The following TRIQK variants were observed in gnomAD, a reference collection of about 807,000 sequenced individuals.
The protein encoded by TRIQK is triple QxxK/R motif-containing protein.
In TRIQK, 10 loss-of-function variants were observed where a neutral mutation model predicts 10.8. That is an observed-to-expected ratio of 0.92 (90% confidence interval 0.57 to 1.57). The LOEUF (loss-of-function observed/expected upper bound fraction) is 1.57. Ranked by LOEUF, TRIQK falls within the 40% of genes most tolerant of loss-of-function variation. The probability of loss-of-function intolerance (pLI) is 0.00; values close to 1 mark genes in which losing one functional copy is unlikely to be tolerated. For missense variants in TRIQK, 107 were observed against 97.7 expected (o/e 1.09, Z -0.40); for synonymous variants, 33 against 33.7 (o/e 0.98, Z 0.07).
intron 2 of TRIQK, among the ~76,000 whole-genome samples, chr8:92,946,044 C>G (rs925853217): frequency 6.6e-6 from 1 of 151,842 alleles, no homozygotes; most frequent in Non-Finnish European, 1.5e-5. Flanking sequence ...AAAGGCTAAG[C>G]CTTAATGAAA....
intron 2 of TRIQK, among the ~76,000 whole-genome samples, chr8:92,940,428 C>T (rs1231636757): frequency 6.7e-6 from 1 of 150,224 alleles, no homozygotes; most frequent in Non-Finnish European, 1.5e-5. Flanking sequence ...TGAAGTAACA[C>T]AAAAAGATAT....
chr8:92,922,984 T>C (rs1310865182), intron 2 of TRIQK, among the ~76,000 whole-genome samples: 1 of 151,824 alleles, frequency 6.6e-6, no homozygotes, highest in Non-Finnish European at 1.5e-5. Flanking sequence ...CAAAAAATGC[T>C]TATAGAACAC....
At chr8:92,992,877 CA>C (rs1563674241) in intron 1 of TRIQK, among the ~76,000 whole-genome samples, 1 of 152,222 alleles carries the variant, frequency 6.6e-6, no homozygotes, top group East Asian at 1.9e-4. Context: ...GAAATGGTGA[CA>C]CCAATGACAA....
At chr8:92,937,997 T>C (rs1811077904) in intron 2 of TRIQK, among the ~76,000 whole-genome samples, 1 of 152,016 alleles carries the variant, frequency 6.6e-6, no homozygotes, top group Non-Finnish European at 1.5e-5. Flanking sequence ...TTCATTTTCC[T>C]TTTTTCTGAA....
At chr8:92,988,738 G>A (rs992726944) in intron 1 of TRIQK, among the ~76,000 whole-genome samples, 4 of 152,122 alleles carry the variant, frequency 2.6e-5, no homozygotes, top group African/African-American at 9.7e-5. Flanking sequence ...TACATCAAAG[G>A]ATACTTATCT....
chr8:92,920,728 C>G (rs1240866442), intron 2 of TRIQK, among the ~76,000 whole-genome samples: 1 of 151,700 alleles, frequency 6.6e-6, no homozygotes, highest in East Asian at 1.9e-4. Flanking sequence ...TTTATTGGCA[C>G]ATGCAACTGA....
intron 1 of TRIQK, among the ~76,000 whole-genome samples, chr8:92,995,494 C>T (rs1176944162): frequency 1.3e-5 from 2 of 151,820 alleles, no homozygotes; most frequent in East Asian, 3.9e-4. Context: ...TTTCTTTTAA[C>T]TTATGCTAGG....
At chr8:92,919,895 T>C (rs528781980) in intron 2 of TRIQK, among the ~76,000 whole-genome samples, 141 of 151,930 alleles carry the variant, frequency 9.3e-4, no homozygotes, top group African/African-American at 3.1e-3. Flanking sequence ...TGTATTCTTT[T>C]CTTCTAGATT....
chr8:92,939,026 T>C (rs1297906197), intron 2 of TRIQK, among the ~76,000 whole-genome samples: 2 of 152,226 alleles, frequency 1.3e-5, no homozygotes, highest in African/African-American at 2.4e-5. Flanking sequence ...CTCTGTGGCA[T>C]GACTAGTAAT....
Position 92,884,307 on chromosome 8 carries a change from T to C in TRIQK, c.*2315A>G, listed in dbSNP as rs1563603274. ...CAATCTGGGATTTCTCTACAGAGGG[T>C]TGGCTGCTTCCCAGTTAATGTGAGT... On this transcript the variant is annotated 3_prime_UTR_variant, in exon 5 of 5. Coordinates refer to ENST00000521988, the MANE Select transcript of TRIQK (RefSeq NM_001171797.2). The C allele has an allele frequency of 6.5e-6, 1 of 154,752 alleles. No individual in the cohort carries two copies. Among genetic ancestry groups the C allele is most frequent in the Non-Finnish European group, 1.4e-5 (1 of 69,806 alleles). The allele number at this position is 154,752 out of a possible 1,614,324, so 9.6% of individuals were successfully genotyped here. A position where few individuals can be genotyped will look rare whatever the true frequency, so the allele number is the denominator to read the frequency against.
intron 2 of TRIQK, among the ~76,000 whole-genome samples, chr8:92,919,863 A>T (rs969014174): frequency 6.6e-6 from 1 of 151,506 alleles, no homozygotes; most frequent in African/African-American, 2.4e-5. Context: ...TTTAATCTTG[A>T]TAGGTTTTAT....
Position 92,892,174 on chromosome 8 carries a change from G to C in TRIQK, c.62-100C>G, listed in dbSNP as rs139853195. The C allele has an allele frequency of 2.5e-4, 214 of 844,328 alleles. 1 individual carries two copies. The African/African-American group carries it at 3.3e-3, about 13-fold the overall frequency. 52.3% of individuals were successfully genotyped at this position (844,328 alleles called of 1,614,324 possible). ...GAATGTTTAAATACAGTGAAACAGG[G>C]ACACGGAGTTGCAAAGTAGTTCCCA... is the stretch of plus-strand genomic sequence containing the variant. On this transcript the variant is annotated intron_variant, in intron 3 of 4. Transcript: ENST00000521988.
At chr8:92,939,122 T>C (rs1312645395) in intron 2 of TRIQK, among the ~76,000 whole-genome samples, 2 of 152,210 alleles carry the variant, frequency 1.3e-5, no homozygotes, top group East Asian at 3.9e-4. Flanking sequence ...GGGCTTTTTG[T>C]TGAGAGGAGA....
At chr8:92,939,736 G>A (rs1811176470) in intron 2 of TRIQK, among the ~76,000 whole-genome samples, 1 of 152,106 alleles carries the variant, frequency 6.6e-6, no homozygotes, top group Admixed American at 6.6e-5. Context: ...GCATTTGGGA[G>A]AAATGTAGGC....
chr8:92,951,780 A>C (rs1251502169), intron 2 of TRIQK, among the ~76,000 whole-genome samples: 1 of 152,124 alleles, frequency 6.6e-6, no homozygotes, highest in Non-Finnish European at 1.5e-5. Context: ...GTCAGAGCCT[A>C]ACTGATCTGG....
intron 1 of TRIQK, among the ~76,000 whole-genome samples, chr8:92,957,350 A>C (rs1812224821): frequency 6.6e-6 from 1 of 151,822 alleles, no homozygotes; most frequent in Non-Finnish European, 1.5e-5. Flanking sequence ...ACACATACAG[A>C]TACACATATA....
chr8:92,953,237 C>T (rs956736102), intron 2 of TRIQK, among the ~76,000 whole-genome samples: 2 of 151,966 alleles, frequency 1.3e-5, no homozygotes, highest in Non-Finnish European at 2.9e-5. Context: ...TAATGCCTAG[C>T]TCATAGTAAG....
intron 2 of TRIQK, among the ~76,000 whole-genome samples, chr8:92,938,179 A>T (rs1168194071): frequency 6.6e-6 from 1 of 151,548 alleles, no homozygotes; most frequent in African/African-American, 2.4e-5. Context: ...GAAAGCTAAC[A>T]CTCCTTTGTC....
chr8:92,916,599 T>C (rs1416206338), intron 3 of TRIQK, among the ~76,000 whole-genome samples: 1 of 152,100 alleles, frequency 6.6e-6, no homozygotes, highest in African/African-American at 2.4e-5. Context: ...AAAGTTATAA[T>C]ATGTATACAA....
Sources: allele counts gnomAD v4.1 joint callset (sites outside exome capture counted in the v4.1 genomes callset), GRCh38; gene constraint gnomAD v4.1.1; transcripts MANE v1.5; gene names NCBI Gene and HGNC (gene_info 2026-07-23, HGNC 2026-07-21).